EIF4E3: variants seen among roughly 807,000 people sequenced by gnomAD.
EIF4E3 encodes the protein eukaryotic translation initiation factor 4E type 3.
EIF4E3 carries 26 observed loss-of-function variants against 31.7 expected under a neutral mutation model. That is an observed-to-expected ratio of 0.82 (90% CI 0.60 to 1.14). The LOEUF is 1.14. Ranked by LOEUF, EIF4E3 falls within the 50% of genes most tolerant of loss-of-function variation. The pLI, the probability that EIF4E3 is intolerant of heterozygous loss-of-function variation, is 0.00. For synonymous variants in EIF4E3, 128 were observed against 107.7 expected (o/e 1.19, Z -1.17); for missense variants, 304 against 270.9 (o/e 1.12, Z -0.86).
intron 2 of EIF4E3, among the ~76,000 whole-genome samples, chr3:71,706,533 C>T (rs888575485): frequency 4.6e-5 from 7 of 151,976 alleles, no homozygotes; most frequent in South Asian, 2.1e-4. Context: ...AAAGGATCAA[C>T]GTACAGGCCA....
chr3:71,709,547 T>C (rs2049344781), intron 2 of EIF4E3, among the ~76,000 whole-genome samples: 1 of 152,126 alleles, frequency 6.6e-6, no homozygotes, highest in Non-Finnish European at 1.5e-5. Flanking sequence ...GCCCAGTTAA[T>C]TTTTAAGGAA....
At position 71,714,286 on chromosome 3, in the gene EIF4E3, G is replaced by A. The variant is rs1452592138; in HGVS notation, c.177-3802C>T. Among the ~76,000 whole-genome samples, 336 of 139,978 alleles carry A rather than the reference G, an allele frequency of 2.4e-3. 2 individuals carry two copies. Among genetic ancestry groups the A allele is most frequent in the African/African-American group, 9.2e-3 (319 of 34,622 alleles). The allele number at this position is 139,978 out of a possible 152,430, so 91.8% of individuals were successfully genotyped here. A position where few individuals can be genotyped will look rare whatever the true frequency, so the allele number is the denominator to read the frequency against. On this transcript the variant is annotated intron_variant, in intron 1 of 6. Coordinates refer to ENST00000425534, the MANE Select transcript of EIF4E3 (RefSeq NM_001134651.2). ...GGAAGGAAGGAAAGAAGGAAGGAAG[G>A]AAGGAAGGAAGGAAGGAACGAAAGA...
upstream of EIF4E3, chr3:71,753,946 T>A (rs2049968144): frequency 4.9e-6 from 5 of 1,015,926 alleles, no homozygotes; most frequent in Non-Finnish European, 5.9e-6. Flanking sequence ...GACGGGGAGC[T>A]CGCCCAGGGC....
intron 6 of EIF4E3, among the ~76,000 whole-genome samples, chr3:71,688,322 T>A (rs141157918): frequency 0.014 from 2,101 of 152,348 alleles, 24 homozygotes; most frequent in Middle Eastern, 0.031. Flanking sequence ...TGTGGCCTTA[T>A]TATCTGATAA....
In EIF4E3 at chr3:71,679,288, C is replaced by A. The variant is rs2048896790; in HGVS notation, c.*5394G>T. 6.6e-6 allele frequency: 1 copy of A among 152,152 alleles called. No homozygotes were observed. The highest frequency in any genetic ancestry group is 2.4e-5 in the African/African-American group (1 of 41,436). The allele number at this position is 152,152 out of a possible 1,614,324, so 9.4% of individuals were successfully genotyped here. On this transcript the variant is annotated 3_prime_UTR_variant, in exon 7 of 7. Coordinates refer to ENST00000425534, the MANE Select transcript of EIF4E3 (RefSeq NM_001134651.2). ...AGAAAACTCAGAAACACTCAATTTA[C>A]TTCATGTTCAGTTCTATAATGCAAA...
intron 1 of EIF4E3, among the ~76,000 whole-genome samples, chr3:71,743,123 A>G (rs1163491260): frequency 6.6e-6 from 1 of 152,192 alleles, no homozygotes; most frequent in Non-Finnish European, 1.5e-5. Context: ...TCTATTTAAC[A>G]TTGTATTAAA....
chr3:71,660,058 G>C, the EIF4E3 span, among the ~76,000 whole-genome samples: 1 of 152,188 alleles, frequency 6.6e-6, no homozygotes, highest in Non-Finnish European at 1.5e-5. Context: ...TTAATCAAAT[G>C]CCCAGGCAGT....
At position 71,719,868 on chromosome 3, in the gene EIF4E3, G is replaced by C. The variant is rs1283432501; in HGVS notation, c.176+5324C>G. Reference sequence around the variant, plus strand: ...GTCTCTACAAAAAATACAAAAATTAGCTGGGTGTAGTAGCACATGCCTGTT... The same window carrying C: ...GTCTCTACAAAAAATACAAAAATTACCTGGGTGTAGTAGCACATGCCTGTT... On this transcript the variant is annotated intron_variant, in intron 1 of 6. Coordinates refer to ENST00000425534, the MANE Select transcript of EIF4E3 (RefSeq NM_001134651.2). 2.0e-5 allele frequency among the ~76,000 whole-genome samples: 3 copies of C among 152,008 alleles called. No individual in the cohort carries two copies. The East Asian group carries it at 5.8e-4, about 29-fold the overall frequency.
chr3:71,737,567 C>T (rs2108145258), intron 1 of EIF4E3, among the ~76,000 whole-genome samples: 1 of 152,136 alleles, frequency 6.6e-6, no homozygotes, highest in East Asian at 1.9e-4. Flanking sequence ...CACACCAAGG[C>T]AGGGCAAGGG....
At chr3:71,754,489 C>T, upstream of EIF4E3, 1 of 1,295,700 alleles carries the variant, frequency 7.7e-7, no homozygotes, top group Non-Finnish European at 9.8e-7. This position sits in a 1 kb window ranked among gnomAD's most constrained non-coding sequence, Gnocchi z 5.8. Flanking sequence ...GTGTGCGCCG[C>T]CTGGGCGCTG....
At chr3:71,689,987 A>G (rs774515425) in intron 6 of EIF4E3, 23 bp downstream of exon 6, 3 of 1,583,606 alleles carry the variant, frequency 1.9e-6, no homozygotes, top group South Asian at 1.2e-5. Context: ...CTAGAAAGTA[A>G]TAACTGGAAA....
chr3:71,687,281 C>T (rs944046705), intron 6 of EIF4E3, among the ~76,000 whole-genome samples: 4 of 152,292 alleles, frequency 2.6e-5, no homozygotes, highest in Admixed American at 6.5e-5. Flanking sequence ...GGATTACAGG[C>T]GTGAGCCACC....
intron 1 of EIF4E3, among the ~76,000 whole-genome samples, chr3:71,745,824 A>G (rs2049866431): frequency 6.6e-6 from 1 of 152,186 alleles, no homozygotes; most frequent in East Asian, 1.9e-4. Flanking sequence ...AAGGGGCCAC[A>G]TTTTTTAAGA....
At chr3:71,751,013 C>T (rs1024078918) in intron 1 of EIF4E3, among the ~76,000 whole-genome samples, 8 of 151,944 alleles carry the variant, frequency 5.3e-5, no homozygotes, top group African/African-American at 1.7e-4. Flanking sequence ...CCACCCGCCT[C>T]GGCCTCCCAA....
chr3:71,704,281 T>C (rs1364096404), intron 2 of EIF4E3, among the ~76,000 whole-genome samples: 1 of 152,004 alleles, frequency 6.6e-6, no homozygotes, highest in Non-Finnish European at 1.5e-5. Flanking sequence ...GACAGTGGGG[T>C]TAAAACCCTG....
chr3:71,659,527 G>T, the EIF4E3 span, among the ~76,000 whole-genome samples: 1 of 152,210 alleles, frequency 6.6e-6, no homozygotes, highest in Non-Finnish European at 1.5e-5. Flanking sequence ...CACTCTGAAT[G>T]GGCCATGAGT....
At chr3:71,725,411 G>GGGCGAGCGC, upstream of EIF4E3, 2 of 976,368 alleles carry the variant, frequency 2.0e-6, no homozygotes, top group Non-Finnish European at 2.4e-6. This position sits in a 1 kb window ranked among gnomAD's most constrained non-coding sequence, Gnocchi z 6.1. Flanking sequence ...GCGGACCGCG[G>GGGCGAGCGC]GGCGAGCGCG....
chr3:71,682,823 T>A lies in EIF4E3; in HGVS notation c.*1859A>T, dbSNP rs540949350. 102 of 148,148 alleles carry A rather than the reference T, an allele frequency of 6.9e-4. No individual in the cohort carries two copies. Among genetic ancestry groups the A allele is most frequent in the African/African-American group, 2.5e-3 (93 of 37,256 alleles). 9.2% of individuals were successfully genotyped at this position (148,148 alleles called of 1,614,324 possible). A position where few individuals can be genotyped will look rare whatever the true frequency, so the allele number is the denominator to read the frequency against. ...AATGCTTTAAATAAAGTTCAAAAAATAAAAATACTTCAAAATCCATTTACT... is the reference window on the plus strand; with the variant it reads ...AATGCTTTAAATAAAGTTCAAAAAAAAAAAATACTTCAAAATCCATTTACT... On this transcript the variant is annotated 3_prime_UTR_variant, in exon 7 of 7. Transcript: ENST00000425534.
At chr3:71,686,236 G>C (rs9813162) in intron 6 of EIF4E3, among the ~76,000 whole-genome samples, 37,302 of 151,808 alleles carry the variant, frequency 0.25, 5,723 homozygotes, top group East Asian at 0.69. Flanking sequence ...GCGATCCACC[G>C]GCCTCAGACT....
Sources: gnomAD v4.1 joint callset for allele counts (sites outside exome capture counted in the v4.1 genomes callset) on GRCh38, gnomAD v4.1.1 for gene constraint, Gnocchi (gnomAD v3.1) non-coding constraint, MANE v1.5 for transcripts, NCBI Gene and HGNC (gene_info 2026-07-23, HGNC 2026-07-21) for gene names.